The following UNC5D variants were observed in gnomAD, a reference collection of about 807,000 sequenced individuals.
UNC5D encodes netrin receptor UNC5D.
In UNC5D, 39 loss-of-function variants were observed where a neutral mutation model predicts 105.4. The ratio of observed to expected loss-of-function variants is 0.37; its 90% CI spans 0.29 to 0.48. The LOEUF is 0.48. Ranked by LOEUF, UNC5D falls within the 20% of genes least tolerant of loss-of-function variation. The probability of loss-of-function intolerance (pLI) is 0.98; values close to 1 mark genes in which losing one functional copy is unlikely to be tolerated. For synonymous variants in UNC5D, 452 were observed against 450.4 expected (o/e 1.00, Z -0.04); for missense variants, 991 against 1,202.4 (o/e 0.82, Z 2.60).
intron 10 of UNC5D, chr8:35,727,846 A>T (rs1828961228): frequency 6.6e-6 from 1 of 152,066 alleles, no homozygotes; most frequent in African/African-American, 2.4e-5. Flanking sequence ...ATATTTACCA[A>T]TTAACTTTTC....
At chr8:35,295,596 T>C (rs562931985) in intron 1 of UNC5D, among the ~76,000 whole-genome samples, 1 of 152,322 alleles carries the variant, frequency 6.6e-6, no homozygotes, top group South Asian at 2.1e-4. Context: ...TGATTTGCCA[T>C]ACATACACAT....
rs149017358 is a variant in UNC5D, at chr8:35,673,141, G to A, written c.571-10406G>A. On this transcript the variant is annotated intron_variant, in intron 4 of 16. Transcript: ENST00000404895. ...TAAGTAGAGCTAAATTGAAGAAACT[G>A]CAGTGTAGGTGGCTTTAAAATCAAT... Among the ~76,000 whole-genome samples the A allele has an allele frequency of 9.2e-5, 14 of 152,318 alleles. No individual in the cohort carries two copies. In the South Asian group the frequency reaches 2.9e-3, roughly 32 times the overall value.
At chr8:35,707,909 C>A (rs929962319) in intron 8 of UNC5D, among the ~76,000 whole-genome samples, 1 of 152,096 alleles carries the variant, frequency 6.6e-6, no homozygotes, top group East Asian at 1.9e-4. Context: ...TTTGTGATTT[C>A]TCTAAAAATA....
chr8:35,701,051 CAA>C (rs1203788814), intron 7 of UNC5D, among the ~76,000 whole-genome samples: 2 of 152,134 alleles, frequency 1.3e-5, no homozygotes, highest in East Asian at 3.9e-4. Context: ...TTATGACAAA[CAA>C]AATAATTAAA....
intron 1 of UNC5D, among the ~76,000 whole-genome samples, chr8:35,340,887 T>G (rs1390969832): frequency 6.6e-6 from 1 of 152,192 alleles, no homozygotes; most frequent in African/African-American, 2.4e-5. Context: ...TGACATTCAC[T>G]TACCTGAGAG....
chr8:35,731,399 CAAAAAAA>C (rs57529561), intron 11 of UNC5D, among the ~76,000 whole-genome samples: 5 of 30,656 alleles, frequency 1.6e-4, no homozygotes, highest in East Asian at 5.2e-4. Flanking sequence ...ACTCTGTCTC[CAAAAAAA>C]AAAAAAAAAA....
intron 1 of UNC5D, among the ~76,000 whole-genome samples, chr8:35,465,972 A>C (rs553451783): frequency 6.6e-6 from 1 of 152,258 alleles, no homozygotes; most frequent in Admixed American, 6.5e-5. Context: ...AGGCAAGGAA[A>C]TAGGGTTATT....
chr8:35,286,932 T>A (rs2950910), intron 1 of UNC5D, among the ~76,000 whole-genome samples: 134,609 of 152,200 alleles, frequency 0.88, 59,651 homozygotes, highest in East Asian at 1. Context: ...ACCTAATCAG[T>A]CATGGCTGCA....
At chr8:35,375,674 C>T (rs935665325) in intron 1 of UNC5D, among the ~76,000 whole-genome samples, 2 of 152,250 alleles carry the variant, frequency 1.3e-5, no homozygotes, top group Middle Eastern at 3.4e-3. Flanking sequence ...AAATAAAAGT[C>T]ATTGAGAATT....
At chr8:35,788,721 C>T (rs535021727) in intron 16 of UNC5D, among the ~76,000 whole-genome samples, 5 of 151,682 alleles carry the variant, frequency 3.3e-5, no homozygotes, top group South Asian at 2.1e-4. Context: ...CACACACACA[C>T]GAAATAGATA....
intron 9 of UNC5D, among the ~76,000 whole-genome samples, chr8:35,725,704 G>C (rs977188686): frequency 6.6e-6 from 1 of 152,102 alleles, no homozygotes; most frequent in Non-Finnish European, 1.5e-5. Context: ...GCACTACCTA[G>C]TCACCACGCT....
intron 4 of UNC5D, among the ~76,000 whole-genome samples, chr8:35,624,490 A>G (rs1018105130): frequency 6.6e-6 from 1 of 152,164 alleles, no homozygotes; most frequent in Non-Finnish European, 1.5e-5. Context: ...TTCATGCACA[A>G]AAGGCCTGAG....
intron 13 of UNC5D, among the ~76,000 whole-genome samples, chr8:35,754,889 G>A (rs1009250601): frequency 3.9e-5 from 6 of 151,976 alleles, no homozygotes; most frequent in East Asian, 1.9e-4. Flanking sequence ...ATCTAAAATC[G>A]TCTCTATGAA....
At chr8:35,297,238 A>C (rs1434365738) in intron 1 of UNC5D, among the ~76,000 whole-genome samples, 3 of 152,160 alleles carry the variant, frequency 2.0e-5, no homozygotes, top group African/African-American at 7.2e-5. Flanking sequence ...GCTTAGCAAA[A>C]AATCCTCATA....
At chr8:35,775,300 G>A (rs1802194865) in intron 16 of UNC5D, among the ~76,000 whole-genome samples, 1 of 152,186 alleles carries the variant, frequency 6.6e-6, no homozygotes, top group Admixed American at 6.5e-5. Context: ...GCTTGCCTAG[G>A]AACTGTGAAT....
intron 3 of UNC5D, among the ~76,000 whole-genome samples, chr8:35,574,791 C>T (rs1817980909): frequency 6.6e-6 from 1 of 152,222 alleles, no homozygotes; most frequent in South Asian, 2.1e-4. Context: ...TGCAAGTGTT[C>T]TTTGTCCACC....
intron 1 of UNC5D, among the ~76,000 whole-genome samples, chr8:35,507,889 CTA>C (rs1320754187): frequency 6.6e-6 from 1 of 151,912 alleles, no homozygotes; most frequent in Non-Finnish European, 1.5e-5. Flanking sequence ...TACATACCTA[CTA>C]TATGCCATAA....
At chr8:35,756,165 A>T (rs1381039024) in intron 13 of UNC5D, among the ~76,000 whole-genome samples, 2 of 152,220 alleles carry the variant, frequency 1.3e-5, no homozygotes, top group Admixed American at 1.3e-4. Context: ...TCATTTTAAT[A>T]ATTGTTTTGT....
intron 11 of UNC5D, among the ~76,000 whole-genome samples, chr8:35,744,939 G>C (rs1282597366): frequency 6.6e-6 from 1 of 152,110 alleles, no homozygotes; most frequent in Non-Finnish European, 1.5e-5. Flanking sequence ...TATAATCCCA[G>C]CTACTTGGGA....
Sources: gnomAD v4.1 joint callset for allele counts (sites outside exome capture counted in the v4.1 genomes callset) on GRCh38, gnomAD v4.1.1 for gene constraint, MANE v1.5 for transcripts, NCBI Gene and HGNC (gene_info 2026-07-23, HGNC 2026-07-21) for gene names.